CFDP1: variants seen among roughly 807,000 people sequenced by gnomAD.
The protein encoded by CFDP1 is heterochromatin-stabilizing protein CFDP1.
A neutral mutation model predicts 40.1 loss-of-function variants in CFDP1; 31 were observed. The observed-to-expected ratio is 0.77, with a 90% CI of 0.58 to 1.04. The LOEUF (loss-of-function observed/expected upper bound fraction) is 1.04, where lower values mean the gene tolerates loss of function less well. Among genes scored for constraint, CFDP1 ranks in the 50% least tolerant of loss-of-function variants. The pLI is 0.00. For missense variants in CFDP1, 423 were observed against 343.4 expected (o/e 1.23, Z -1.83); for synonymous variants, 167 against 120.0 (o/e 1.39, Z -2.56).
intron 5 of CFDP1, among the ~76,000 whole-genome samples, chr16:75,390,003 G>A (rs531513161): frequency 9.9e-5 from 15 of 152,256 alleles, no homozygotes; most frequent in South Asian, 2.1e-4. Context: ...ACATTTTCAC[G>A]TACAACTCTA....
chr16:75,360,245 T>C (rs995880069), intron 5 of CFDP1, among the ~76,000 whole-genome samples: 1 of 147,456 alleles, frequency 6.8e-6, no homozygotes, highest in African/African-American at 2.5e-5. Flanking sequence ...GGAACCTAGA[T>C]GGGAGATGAC....
At chr16:75,312,455 T>C (rs1259631080) in intron 5 of CFDP1, among the ~76,000 whole-genome samples, 1 of 152,228 alleles carries the variant, frequency 6.6e-6, no homozygotes, top group Admixed American at 6.5e-5. Flanking sequence ...AGCTGGCAAG[T>C]AGCAACAGCT....
chr16:75,384,229 T>C (rs1003340226), intron 5 of CFDP1, among the ~76,000 whole-genome samples: 5 of 152,040 alleles, frequency 3.3e-5, no homozygotes, highest in Non-Finnish European at 1.5e-5. Flanking sequence ...TGGTGGCACA[T>C]GCCTGTAATC....
intron 5 of CFDP1, among the ~76,000 whole-genome samples, chr16:75,339,868 T>TA (rs2078514671): frequency 6.6e-6 from 1 of 152,176 alleles, no homozygotes. Flanking sequence ...CCAAGGATCT[T>TA]ATAGTGGAAG....
At chr16:75,337,651 C>T (rs1481343068) in intron 5 of CFDP1, among the ~76,000 whole-genome samples, 1 of 152,068 alleles carries the variant, frequency 6.6e-6, no homozygotes, top group Non-Finnish European at 1.5e-5. Flanking sequence ...GAGGCAAGCA[C>T]GTCTTACATG....
At chr16:75,345,689 A>G (rs2078558426) in intron 5 of CFDP1, among the ~76,000 whole-genome samples, 1 of 152,240 alleles carries the variant, frequency 6.6e-6, no homozygotes. Flanking sequence ...AGAGTTTGGT[A>G]ATAAGAGATC....
At chr16:75,390,858 T>G (rs374705140) in intron 5 of CFDP1, among the ~76,000 whole-genome samples, 1 of 152,188 alleles carries the variant, frequency 6.6e-6, no homozygotes, top group African/African-American at 2.4e-5. Context: ...GGGGTAGTAA[T>G]AGAGTCTCAT....
At chr16:75,347,503 C>T (rs2078577878) in intron 5 of CFDP1, among the ~76,000 whole-genome samples, 1 of 151,682 alleles carries the variant, frequency 6.6e-6, no homozygotes, top group Non-Finnish European at 1.5e-5. Flanking sequence ...CACGGTGAAA[C>T]CCTGTCTCTA....
intron 5 of CFDP1, among the ~76,000 whole-genome samples, chr16:75,384,882 A>ATATC (rs2078881125): frequency 3.2e-5 from 1 of 31,246 alleles, no homozygotes; most frequent in African/African-American, 6.8e-5. Flanking sequence ...ATATATATAT[A>ATATC]TATATATATA....
chr16:75,343,218 T>TA (rs943629205), intron 5 of CFDP1, among the ~76,000 whole-genome samples: 1 of 152,120 alleles, frequency 6.6e-6, no homozygotes, highest in Non-Finnish European at 1.5e-5. Flanking sequence ...CTAAATAAGT[T>TA]AAAAAATGTT....
intron 5 of CFDP1, among the ~76,000 whole-genome samples, chr16:75,327,856 T>C (rs1048415016): frequency 6.6e-6 from 1 of 152,108 alleles, no homozygotes; most frequent in Admixed American, 6.5e-5. Flanking sequence ...CCCGAATAGC[T>C]GGGATTACAG....
At chr16:75,402,958 G>T (rs2079068050) in intron 4 of CFDP1, among the ~76,000 whole-genome samples, 1 of 151,934 alleles carries the variant, frequency 6.6e-6, no homozygotes, top group South Asian at 2.1e-4. Context: ...TAATAAGCAT[G>T]TATCATTTTG....
chr16:75,346,582 C>CA lies in CFDP1; in HGVS notation c.651-41401dup, dbSNP rs748081401. On this transcript the variant is annotated intron_variant, in intron 5 of 6. Coordinates refer to ENST00000283882, the MANE Select transcript of CFDP1 (RefSeq NM_006324.3). The stretch of plus-strand genomic sequence containing the variant: ...TGGGTGACAGAGCAAGACTCTGTCT[C>CA]AAAAAAAAAAAAAAAAAAAAAAAAA... Among the ~76,000 whole-genome samples, 118 of 59,342 alleles carry CA rather than the reference C, an allele frequency of 2.0e-3. 4 individuals carry two copies. The highest frequency in any genetic ancestry group is 2.4e-3 in the Non-Finnish European group (83 of 34,262). 38.9% of individuals were successfully genotyped at this position (59,342 alleles called of 152,430 possible).
At chr16:75,324,235 T>TTGAA (rs1387947249) in intron 5 of CFDP1, among the ~76,000 whole-genome samples, 1 of 150,670 alleles carries the variant, frequency 6.6e-6, no homozygotes, top group Non-Finnish European at 1.5e-5. Context: ...GTGGGGGAGG[T>TTGAA]GTCTGAGAGT....
chr16:75,392,276 G>C (rs551220176), intron 5 of CFDP1, among the ~76,000 whole-genome samples: 1 of 151,782 alleles, frequency 6.6e-6, no homozygotes, highest in African/African-American at 2.4e-5. Context: ...GTGGCAGCAC[G>C]TGCCTGTAAT....
chr16:75,335,396 C>T (rs1192974386), intron 5 of CFDP1, among the ~76,000 whole-genome samples: 30 of 152,130 alleles, frequency 2.0e-4, no homozygotes, highest in Admixed American at 2.0e-3. Context: ...CTTTTCCCTT[C>T]CCACCAAATT....
At chr16:75,313,792 T>C (rs4888380) in intron 5 of CFDP1, among the ~76,000 whole-genome samples, 76,384 of 151,304 alleles carry the variant, frequency 0.5, 20,734 homozygotes, top group Admixed American at 0.66. Flanking sequence ...AGAAATTCCA[T>C]AGAGAATCTC....
chr16:75,324,436 G>A (rs963454692), intron 5 of CFDP1, among the ~76,000 whole-genome samples: 1 of 152,072 alleles, frequency 6.6e-6, no homozygotes, highest in African/African-American at 2.4e-5. Context: ...AATCCAGAAA[G>A]AAATTTTAAA....
At chr16:75,412,838 A>G (rs2079174943) in intron 2 of CFDP1, 84 bp from the exon 3 acceptor site, 1 of 1,094,696 alleles carries the variant, frequency 9.1e-7, no homozygotes, top group East Asian at 2.3e-5. Flanking sequence ...AGGTAATCTT[A>G]TAAACCCAAG....
Sources: gnomAD v4.1 joint callset for allele counts (sites outside exome capture counted in the v4.1 genomes callset) on GRCh38, gnomAD v4.1.1 for gene constraint, MANE v1.5 for transcripts, NCBI Gene and HGNC (gene_info 2026-07-23, HGNC 2026-07-21) for gene names.